Variants in GOLGB1 observed in about 807,000 individuals in gnomAD.
GOLGB1 encodes the protein golgin subfamily B member 1.
A neutral mutation model predicts 336.9 loss-of-function variants in GOLGB1; 174 were observed. The observed-to-expected ratio is 0.52, with a 90% CI of 0.46 to 0.59. The LOEUF (loss-of-function observed/expected upper bound fraction) is 0.59. Ranked by LOEUF, GOLGB1 falls within the 20% of genes least tolerant of loss-of-function variation. The pLI is 0.00. For missense variants in GOLGB1, 3,331 were observed against 3,645.3 expected (o/e 0.91, Z 2.22); for synonymous variants, 1,208 against 1,289.2 (o/e 0.94, Z 1.35).
At chr3:121,713,118 C>T (rs1944481423) in intron 10 of GOLGB1, among the ~76,000 whole-genome samples, 1 of 151,990 alleles carries the variant, frequency 6.6e-6, no homozygotes, top group Non-Finnish European at 1.5e-5. Context: ...GCCGAGATCG[C>T]ACCACTGTTC....
In GOLGB1 at chr3:121,663,935, G is replaced by C. The variant is rs1576230601; in HGVS notation, c.*545C>G. On this transcript the variant is annotated 3_prime_UTR_variant, in exon 22 of 22. Coordinates refer to ENST00000614479, the MANE Select transcript of GOLGB1 (RefSeq NM_001366282.2). The stretch of plus-strand genomic sequence containing the variant: ...TGATCTAACAGCTAAAACCCCTAGG[G>C]AGTTCCTTCAGCTTTCACCACCCTA... The C allele has an allele frequency of 1.3e-5, 2 of 155,518 alleles. No individual in the cohort carries two copies. Among genetic ancestry groups the C allele is most frequent in the South Asian group, 3.9e-4 (2 of 5,138 alleles). The allele number at this position is 155,518 out of a possible 1,614,324, so 9.6% of individuals were successfully genotyped here.
At chr3:121,727,318 ATATTTTTTTTTTTT>A (rs1442401752) in intron 4 of GOLGB1, among the ~76,000 whole-genome samples, 4 of 33,466 alleles carry the variant, frequency 1.2e-4, no homozygotes, top group African/African-American at 3.5e-4. Context: ...ATATATATAT[ATATTTTTTTTTTTT>A]TTTTTTTTTT....
intron 1 of GOLGB1, among the ~76,000 whole-genome samples, chr3:121,743,296 T>C (rs1947012089): frequency 6.6e-6 from 1 of 152,048 alleles, no homozygotes; most frequent in African/African-American, 2.4e-5. Flanking sequence ...TAAAAAAGGA[T>C]GAGTTAATGT....
At position 121,697,336 on chromosome 3, in the gene GOLGB1, T is replaced by C. The variant is rs1943035137; in HGVS notation, c.3187A>G (p.Ile1063Val). 2 of 1,613,712 alleles carry C rather than the reference T, an allele frequency of 1.2e-6. No homozygotes were observed. Among genetic ancestry groups the C allele is most frequent in the Non-Finnish European group, 1.7e-6 (2 of 1,179,806 alleles). ...EKCVTSKCQE[I>V]EIYLKQTISE... ...ATTGTCTGTTTTAAATAAATTTCTATTTCTTGGCACTTAGAAGTCACACAT... is the reference window on the plus strand; with the variant it reads ...ATTGTCTGTTTTAAATAAATTTCTACTTCTTGGCACTTAGAAGTCACACAT... Residue 1063 changes from isoleucine (I) to valine (V), a missense_variant, in exon 13 of 22, where the codon ATA becomes GTA. Physicochemically the swap from Ile to Val is conservative, Grantham distance 29. Coordinates refer to ENST00000614479, the MANE Select transcript of GOLGB1 (RefSeq NM_001366282.2).
intron 11 of GOLGB1, among the ~76,000 whole-genome samples, chr3:121,701,582 C>T (rs990493156): frequency 1.1e-4 from 16 of 152,196 alleles, no homozygotes; most frequent in African/African-American, 2.4e-4. Context: ...AAAGCATTAA[C>T]GACACGCTAC....
At chr3:121,708,957 C>T (rs1944116187) in intron 10 of GOLGB1, among the ~76,000 whole-genome samples, 3 of 151,952 alleles carry the variant, frequency 2.0e-5, no homozygotes, top group African/African-American at 4.8e-5. Flanking sequence ...CTATATGTTG[C>T]CTTCAAGACA....
chr3:121,687,542 G>A (rs1198150747), intron 14 of GOLGB1, among the ~76,000 whole-genome samples: 2 of 152,148 alleles, frequency 1.3e-5, no homozygotes, highest in African/African-American at 2.4e-5. Context: ...GTGAATAAAG[G>A]AGTGATACAT....
chr3:121,695,813 G>T lies in GOLGB1; in HGVS notation c.4710C>A (p.Leu1570=). ...MDRSLLENQS[L]SSSCESLKLA... is the part of the protein sequence containing the mutation. ...GTTTTAGACTTTCACAGGAGCTGCT[G>T]AGACTCTGATTTTCCAATAAAGACC... The change falls in exon 13 of 22, where the codon CTC becomes CTA. Residue 1570 remains leucine (L), a synonymous_variant. Transcript: ENST00000614479. The T allele has an allele frequency of 1.1e-5, 18 of 1,613,940 alleles. No individual in the cohort carries two copies. Among genetic ancestry groups the T allele is most frequent in the Non-Finnish European group, 1.5e-5 (18 of 1,179,984 alleles).
At position 121,691,932 on chromosome 3, in the gene GOLGB1, G is replaced by A. The variant is rs770240812; in HGVS notation, c.7432C>T (p.Arg2478Ter). 9 of 1,614,014 alleles carry A rather than the reference G, an allele frequency of 5.6e-6. No individual in the cohort carries two copies. Among genetic ancestry groups the A allele is most frequent in the Non-Finnish European group, 5.9e-6 (7 of 1,180,012 alleles). Residue 2478 changes from arginine to a stop codon, truncating the protein, a stop_gained, in exon 14 of 22, where the codon CGA (arginine) becomes TGA (stop). Coordinates refer to ENST00000614479, the MANE Select transcript of GOLGB1 (RefSeq NM_001366282.2). LOFTEE classifies it high-confidence loss of function. Reference sequence around the variant, plus strand: ...TGATAGTCACCCACTATGCGGTCTCGATCATTTTGGAGAGAAGACATGGAT... The same window carrying A: ...TGATAGTCACCCACTATGCGGTCTCAATCATTTTGGAGAGAAGACATGGAT... ...VKSMSSLQNDRDRIVGDYQQL... is the reference protein window; with the variant it reads ...VKSMSSLQND
intron 10 of GOLGB1, among the ~76,000 whole-genome samples, chr3:121,705,545 G>A (rs1305010762): frequency 6.6e-6 from 1 of 152,162 alleles, no homozygotes; most frequent in African/African-American, 2.4e-5. Flanking sequence ...CCAAGAAGGG[G>A]GAACATAGGC....
intron 1 of GOLGB1, among the ~76,000 whole-genome samples, chr3:121,731,954 GAC>G (rs1946152015): frequency 6.6e-6 from 1 of 151,868 alleles, no homozygotes; most frequent in Admixed American, 6.6e-5. Flanking sequence ...AAACAGAGAA[GAC>G]ACAAATTACT....
intron 5 of GOLGB1, among the ~76,000 whole-genome samples, chr3:121,723,082 G>A (rs183306248): frequency 1.3e-5 from 2 of 152,186 alleles, no homozygotes; most frequent in South Asian, 2.1e-4. Context: ...GAAGAAAGAG[G>A]TCTACAAACG....
intron 4 of GOLGB1, among the ~76,000 whole-genome samples, chr3:121,728,299 A>G (rs1346933115): frequency 1.3e-5 from 2 of 152,248 alleles, no homozygotes; most frequent in Non-Finnish European, 2.9e-5. Context: ...GTCACTAACT[A>G]GCGATCCCAA....
At chr3:121,715,707 T>G (rs1387990580) in intron 9 of GOLGB1, among the ~76,000 whole-genome samples, 2 of 152,092 alleles carry the variant, frequency 1.3e-5, no homozygotes, top group African/African-American at 4.8e-5. Context: ...TTCAAAACTG[T>G]CTGGCTAGGG....
At chr3:121,723,869 C>G (rs1945363348) in intron 5 of GOLGB1, among the ~76,000 whole-genome samples, 3 of 152,038 alleles carry the variant, frequency 2.0e-5, no homozygotes, top group African/African-American at 7.2e-5. Flanking sequence ...AAATTTGACA[C>G]AAAAATAAGG....
chr3:121,675,919 T>C (rs975446073), intron 17 of GOLGB1, among the ~76,000 whole-genome samples: 12 of 152,258 alleles, frequency 7.9e-5, no homozygotes, highest in Non-Finnish European at 1.2e-4. Context: ...CGGGAGTTAG[T>C]TGACGGAAAA....
At chr3:121,689,641 G>T (rs1274031065) in intron 14 of GOLGB1, among the ~76,000 whole-genome samples, 10 of 133,124 alleles carry the variant, frequency 7.5e-5, no homozygotes, top group South Asian at 2.5e-4. Context: ...ACCCAAGAAT[G>T]ATCAATTAAA....
At chr3:121,711,809 G>A (rs1411007576) in intron 10 of GOLGB1, among the ~76,000 whole-genome samples, 1 of 152,132 alleles carries the variant, frequency 6.6e-6, no homozygotes, top group Admixed American at 6.5e-5. Context: ...AAACACTGCT[G>A]AAAGAAATTA....
At chr3:121,749,145 G>T (rs1947581215) in intron 1 of GOLGB1, 1 of 152,482 alleles carries the variant, frequency 6.6e-6, no homozygotes. Flanking sequence ...ATGATTCTGT[G>T]ATCTCCGCCC....
Sources: gnomAD v4.1 joint callset for allele counts (sites outside exome capture counted in the v4.1 genomes callset) on GRCh38, gnomAD v4.1.1 for gene constraint, MANE v1.5 for transcripts, NCBI Gene and HGNC (gene_info 2026-07-23, HGNC 2026-07-21) for gene names.